Variants in HEPH observed in about 807,000 individuals in gnomAD.
HEPH encodes hephaestin.
Under a neutral mutation model 80.8 loss-of-function variants are expected in HEPH, and 69 were observed. The observed-to-expected ratio is 0.85, with a 90% confidence interval of 0.70 to 1.04. The LOEUF is 1.04. HEPH is among the 50% of genes least tolerant of loss of function. The pLI is 0.00. For missense variants in HEPH, 1,115 were observed against 891.3 expected (o/e 1.25, Z -3.20); for synonymous variants, 431 against 322.8 (o/e 1.34, Z -3.60).
At chrX:66,256,470 G>A (rs2091187290) in intron 17 of HEPH, 140 bp downstream of exon 17, 1 of 458,208 alleles carries the variant, frequency 2.2e-6, no homozygotes, top group South Asian at 3.6e-5. Flanking sequence ...GGATGAGTTA[G>A]AAGAAGCATT....
Position 66,197,708 on chromosome X carries a change from C to G in HEPH, c.1527C>G (p.Ala509=), listed in dbSNP as rs911429383. The change falls in exon 10 of 21, where the codon GCC becomes GCG. Residue 509 remains alanine, a synonymous_variant. Transcript: ENST00000343002. ...GCTCATCTTACCCTGGCTTGGTTGC[C>G]AAGCCCTTTGAGAAAGTAACATACC... ...NDGSSYPGLV[A]KPFEKVTYRW... 11 of 1,209,877 alleles carry G rather than the reference C, an allele frequency of 9.1e-6. No individual in the cohort carries two copies. Among genetic ancestry groups the G allele is most frequent in the African/African-American group, 3.5e-5 (2 of 57,195 alleles).
intron 12 of HEPH, among the ~76,000 whole-genome samples, chrX:66,201,675 GA>G (rs1191843023): frequency 9.0e-6 from 1 of 111,226 alleles, no homozygotes; most frequent in Non-Finnish European, 1.9e-5. Flanking sequence ...TATCTGGGGG[GA>G]AAAACATCCT....
chrX:66,259,493 A>G (rs2091285065), intron 18 of HEPH, among the ~76,000 whole-genome samples: 1 of 112,102 alleles, frequency 8.9e-6, no homozygotes, highest in Non-Finnish European at 1.9e-5. Flanking sequence ...ACTTTATTTG[A>G]ATCAATTTCT....
At chrX:66,238,946 C>G (rs1391861238) in intron 15 of HEPH, among the ~76,000 whole-genome samples, 1 of 112,638 alleles carries the variant, frequency 8.9e-6, no homozygotes, top group East Asian at 2.8e-4. Flanking sequence ...TCTTTAGGCA[C>G]AGATCGCTCA....
intron 6 of HEPH, among the ~76,000 whole-genome samples, chrX:66,190,291 A>G (rs984233960): frequency 1.1e-4 from 12 of 111,178 alleles, no homozygotes; most frequent in African/African-American, 3.6e-4. Flanking sequence ...GGAGTGAAGG[A>G]GAGATTAATT....
chrX:66,254,627 G>T lies in HEPH; in HGVS notation c.2564-408G>T, dbSNP rs369121567. 8.1e-5 allele frequency among the ~76,000 whole-genome samples: 9 copies of T among 110,961 alleles called. No individual in the cohort carries two copies. The East Asian group carries it at 2.3e-3, about 28-fold the overall frequency. On this transcript the variant is annotated intron_variant, in intron 15 of 20. Transcript: ENST00000343002. ...GTTGAAGTCAGAAAGGTGACTAAAG[G>T]TTCCAAGGAGAGAGTATGGAAAGAG...
intron 15 of HEPH, among the ~76,000 whole-genome samples, chrX:66,228,726 A>G (rs1319562959): frequency 8.9e-6 from 1 of 112,295 alleles, no homozygotes; most frequent in East Asian, 2.8e-4. Context: ...ACATGAATAG[A>G]CAATTCTCAA....
At position 66,256,260 on chromosome X, in the gene HEPH, C is replaced by A. The variant is rs949741124; in HGVS notation, c.2826C>A (p.Thr942=). The change falls in exon 17 of 21, where the codon ACC becomes ACA. Residue 942 remains threonine, a synonymous_variant. Transcript: ENST00000343002. The stretch of plus-strand genomic sequence containing the variant: ...GGTATTTGGAGGAAAATGTGGCAAC[C>A]CATGGGTCCCAGGATCCAGGCAGTA... The part of the protein sequence containing the change: ...KSWYLEENVA[T]HGSQDPGSIN... 8.3e-7 allele frequency: 1 copy of A among 1,210,685 alleles called. No homozygotes were observed. The highest frequency in any genetic ancestry group is 1.1e-6 in the Non-Finnish European group (1 of 894,825).
In HEPH at chrX:66,172,359, G is replaced by T; in HGVS notation, c.172G>T (p.Ala58Ser). The T allele has an allele frequency of 8.4e-7, 1 of 1,187,583 alleles. No homozygotes were observed. Among genetic ancestry groups the T allele is most frequent in the Non-Finnish European group, 1.1e-6 (1 of 883,167 alleles). ...TNQPLDSDIV[A>S]SSFLKSDKNR... The stretch of plus-strand genomic sequence containing the variant: ...ACTCTTTTTCTTCTTTCCCAGAGTG[G>T]CTTCCAGCTTCTTAAAGTCTGACAA... Residue 58 changes from alanine (A) to serine (S), a missense_variant, in exon 3 of 21, where the codon GCT becomes TCT. Ala to Ser is a moderately conservative substitution (Grantham distance 99). Coordinates refer to ENST00000343002, the MANE Select transcript of HEPH (RefSeq NM_001367233.3).
intron 4 of HEPH, among the ~76,000 whole-genome samples, 159 bp downstream of exon 4, chrX:66,173,960 C>G (rs1233439721): frequency 1.2e-5 from 1 of 83,859 alleles, no homozygotes; most frequent in African/African-American, 8.3e-5. Flanking sequence ...TCACTTTGCA[C>G]TATTTTTTTT....
intron 15 of HEPH, among the ~76,000 whole-genome samples, chrX:66,231,573 C>G (rs1354890788): frequency 2.5e-4 from 27 of 109,707 alleles, no homozygotes; most frequent in Admixed American, 1.7e-3. Flanking sequence ...ATTTGGCTCT[C>G]TGTTTGTCTG....
intron 15 of HEPH, among the ~76,000 whole-genome samples, chrX:66,239,661 C>T (rs2090495463): frequency 9.0e-6 from 1 of 111,730 alleles, no homozygotes; most frequent in Non-Finnish European, 1.9e-5. Flanking sequence ...AGACCCTGAC[C>T]TCATAGAGCA....
Position 66,231,258 on chromosome X carries a change from G to C in HEPH, c.2563+23012G>C, listed in dbSNP as rs1218215977. On this transcript the variant is annotated intron_variant, in intron 15 of 20. Coordinates refer to ENST00000343002, the MANE Select transcript of HEPH (RefSeq NM_001367233.3). ...TGGCTTAGGATTGACTTGGTGATGC[G>C]GGCTCTTTTTTGGTTCCATATGAAC... is the stretch of plus-strand genomic sequence containing the variant. 5.9e-4 allele frequency among the ~76,000 whole-genome samples: 64 copies of C among 108,668 alleles called. No homozygotes were observed. In the Middle Eastern group the frequency reaches 0.014, roughly 24 times the overall value. The allele number at this position is 108,668 out of a possible 115,157, so 94.4% of individuals were successfully genotyped here. A position where few individuals can be genotyped will look rare whatever the true frequency, so the allele number is the denominator to read the frequency against.
chrX:66,233,079 A>G (rs2090219371), intron 15 of HEPH, among the ~76,000 whole-genome samples: 1 of 111,926 alleles, frequency 8.9e-6, no homozygotes, highest in Admixed American at 9.5e-5. Flanking sequence ...TTAAGTAAAA[A>G]TGCAGCATAT....
Position 66,170,585 on chromosome X carries a change from C to T in HEPH, c.15C>T (p.His5=). The T allele has an allele frequency of 8.3e-7, 1 of 1,210,237 alleles. No individual in the cohort carries two copies. Among genetic ancestry groups the T allele is most frequent in the Non-Finnish European group, 1.1e-6 (1 of 894,817 alleles). The change falls in exon 2 of 21, where the codon CAC becomes CAT. Residue 5 remains histidine, a synonymous_variant. Coordinates refer to ENST00000343002, the MANE Select transcript of HEPH (RefSeq NM_001367233.3). MESG[H]LLWALLFMQS... is the part of the protein sequence containing the mutation. ...TAATGTGGGCCATGGAGTCAGGCCA[C>T]CTCCTCTGGGCTCTGCTGTTCATGC...
Position 66,200,577 on chromosome X carries a change from G to T in HEPH, c.1902G>T (p.Leu634=). The change falls in exon 12 of 21, where the codon CTG becomes CTT. Residue 634 remains leucine (L), a synonymous_variant. Transcript: ENST00000343002. Reference sequence around the variant, plus strand: ...TTCTGTTCTCTAACCTGCCCAGGCTGGACATGTGCAAGGGTGACACAGTGG... The same window carrying T: ...TTCTGTTCTCTAACCTGCCCAGGCTTGACATGTGCAAGGGTGACACAGTGG... ...NGFLFSNLPR[L]DMCKGDTVAW... is the part of the protein sequence containing the mutation. The T allele has an allele frequency of 8.3e-7, 1 of 1,208,733 alleles. No homozygotes were observed. Among genetic ancestry groups the T allele is most frequent in the Non-Finnish European group, 1.1e-6 (1 of 893,839 alleles).
chrX:66,199,606 A>C (rs2088309509), intron 11 of HEPH, among the ~76,000 whole-genome samples: 1 of 111,835 alleles, frequency 8.9e-6, no homozygotes. Context: ...ATAGATATAG[A>C]AAAAAAATGA....
intron 4 of HEPH, among the ~76,000 whole-genome samples, chrX:66,176,903 A>G (rs1470060741): frequency 9.0e-6 from 1 of 111,499 alleles, no homozygotes; most frequent in Non-Finnish European, 1.9e-5. Flanking sequence ...GGACATAGGC[A>G]TGGGCAAGGA....
At chrX:66,205,993 T>C (rs1293252503) in intron 13 of HEPH, among the ~76,000 whole-genome samples, 1 of 111,073 alleles carries the variant, frequency 9.0e-6, no homozygotes, top group East Asian at 2.8e-4. Flanking sequence ...ATAAGTCCTG[T>C]CATCTCTGTG....
Sources: gnomAD v4.1 joint callset for allele counts (sites outside exome capture counted in the v4.1 genomes callset) on GRCh38, gnomAD v4.1.1 for gene constraint, MANE v1.5 for transcripts, NCBI Gene and HGNC (gene_info 2026-07-23, HGNC 2026-07-21) for gene names.